The following TFEC variants were observed in gnomAD, a reference collection of about 807,000 sequenced individuals.
The protein encoded by TFEC is transcription factor EC, also known as class E basic helix-loop-helix protein 34.
TFEC carries 31 observed loss-of-function variants against 41.6 expected under a neutral mutation model. That is an observed-to-expected ratio of 0.74 (90% CI 0.56 to 1.01). The LOEUF (loss-of-function observed/expected upper bound fraction) is 1.01, where lower values mean the gene tolerates loss of function less well. Among genes scored for constraint, TFEC ranks in the 50% least tolerant of loss-of-function variants. The pLI, the probability that TFEC is intolerant of heterozygous loss-of-function variation, is 0.00. For missense variants in TFEC, 402 were observed against 404.1 expected (o/e 0.99, Z 0.04); for synonymous variants, 143 against 140.6 (o/e 1.02, Z -0.12).
At chr7:116,047,902 C>G (rs1796209623) in intron 3 of TFEC, among the ~76,000 whole-genome samples, 1 of 152,214 alleles carries the variant, frequency 6.6e-6, no homozygotes, top group Non-Finnish European at 1.5e-5. Context: ...CAAACTCCAA[C>G]AGACCTGCAG....
chr7:116,023,512 C>CA (rs909546964), intron 1 of TFEC, among the ~76,000 whole-genome samples: 74 of 151,978 alleles, frequency 4.9e-4, no homozygotes, highest in Admixed American at 2.0e-3. Flanking sequence ...CAATATTGTG[C>CA]AAAAAAACTA....
intron 3 of TFEC, among the ~76,000 whole-genome samples, chr7:116,062,876 C>T (rs181831680): frequency 1.8e-4 from 28 of 152,118 alleles, no homozygotes; most frequent in African/African-American, 3.6e-4. Context: ...CACTATGAAA[C>T]GCTTTTGGCT....
chr7:116,130,084 A>G (rs891283184), intron 1 of TFEC, among the ~76,000 whole-genome samples: 1 of 144,290 alleles, frequency 6.9e-6, no homozygotes, highest in Non-Finnish European at 1.5e-5. Flanking sequence ...ACACACACAC[A>G]CTCTTACTTG....
At chr7:116,039,644 C>T (rs1194808767) in intron 3 of TFEC, among the ~76,000 whole-genome samples, 1 of 151,556 alleles carries the variant, frequency 6.6e-6, no homozygotes, top group African/African-American at 2.4e-5. Context: ...TATAACAGTA[C>T]AATTATTATT....
At chr7:116,046,997 G>A (rs1796181007) in intron 3 of TFEC, among the ~76,000 whole-genome samples, 1 of 152,134 alleles carries the variant, frequency 6.6e-6, no homozygotes, top group African/African-American at 2.4e-5. Context: ...ATTTACTTGT[G>A]TCAGTGACTC....
chr7:116,012,586 C>T (rs1345979366), intron 1 of TFEC, among the ~76,000 whole-genome samples: 3 of 151,968 alleles, frequency 2.0e-5, no homozygotes, highest in Non-Finnish European at 4.4e-5. Context: ...TAAATGGGAA[C>T]ATCTGGGATA....
chr7:116,001,724 G>A (rs751980324), intron 1 of TFEC, among the ~76,000 whole-genome samples: 22 of 152,010 alleles, frequency 1.4e-4, no homozygotes, highest in Non-Finnish European at 2.6e-4. Context: ...CATTGAATGG[G>A]AGAAAATATT....
intron 1 of TFEC, among the ~76,000 whole-genome samples, chr7:116,117,785 C>G (rs903150591): frequency 2.0e-5 from 3 of 151,884 alleles, no homozygotes; most frequent in African/African-American, 7.2e-5. Context: ...CAAATAGCTA[C>G]CAATTAAATT....
intron 1 of TFEC, among the ~76,000 whole-genome samples, chr7:116,004,344 C>T (rs370854974): frequency 6.6e-5 from 10 of 152,120 alleles, no homozygotes; most frequent in Admixed American, 1.3e-4. Flanking sequence ...GTGAATACTA[C>T]GAACAACTCT....
At chr7:116,120,422 G>T (rs558517723) in intron 1 of TFEC, 1 of 151,924 alleles carries the variant, frequency 6.6e-6, no homozygotes, top group African/African-American at 2.4e-5. Context: ...ATAGCAGCAT[G>T]GCATCACCTG....
chr7:116,095,476 A>T lies in TFEC; in HGVS notation c.198+15232T>A, dbSNP rs572075683. ...TACATACACACATATCCAAACCCCA[A>T]AGCTTCATATGCAATATCCAATATA... On this transcript the variant is annotated intron_variant, in intron 3 of 8. Coordinates refer to the TFEC transcript ENST00000484212. 7.2e-5 allele frequency among the ~76,000 whole-genome samples: 11 copies of T among 152,212 alleles called. No homozygotes were observed. In the South Asian group the frequency reaches 1.9e-3, roughly 26 times the overall value.
chr7:115,935,316 T>G lies in TFEC; in HGVS notation c.*5235A>C, dbSNP rs1793176126. The G allele has an allele frequency of 6.6e-6, 1 of 152,074 alleles. No individual in the cohort carries two copies. Among genetic ancestry groups the G allele is most frequent in the Non-Finnish European group, 1.5e-5 (1 of 67,630 alleles). The allele number at this position is 152,074 out of a possible 1,614,324, so 9.4% of individuals were successfully genotyped here. On this transcript the variant is annotated 3_prime_UTR_variant, in exon 8 of 8. Transcript: ENST00000265440. The stretch of plus-strand genomic sequence containing the variant: ...TATTAAAAATGAAAAATAGCAATAA[T>G]TACAAATTCTACAGTCTTATTAACA...
chr7:115,994,669 T>C (rs1350688706), intron 1 of TFEC, among the ~76,000 whole-genome samples: 1 of 152,150 alleles, frequency 6.6e-6, no homozygotes, highest in Non-Finnish European at 1.5e-5. Context: ...CCAGTTAGAA[T>C]GGCAATCATT....
At chr7:116,028,590 G>T (rs1426873736) in intron 1 of TFEC, among the ~76,000 whole-genome samples, 1 of 152,128 alleles carries the variant, frequency 6.6e-6, no homozygotes, top group Non-Finnish European at 1.5e-5. Flanking sequence ...GTTCAAAATA[G>T]CAACCTATTT....
intron 6 of TFEC, among the ~76,000 whole-genome samples, chr7:115,943,283 T>C (rs1025119261): frequency 1.3e-5 from 2 of 151,932 alleles, no homozygotes; most frequent in African/African-American, 4.8e-5. Flanking sequence ...ACAGTCTATC[T>C]TTGGTGCTAA....
intron 3 of TFEC, among the ~76,000 whole-genome samples, chr7:116,086,864 T>C (rs1797215293): frequency 6.6e-6 from 1 of 151,962 alleles, no homozygotes; most frequent in African/African-American, 2.4e-5. Context: ...CACATATGTT[T>C]TTACATTTTC....
intron 3 of TFEC, among the ~76,000 whole-genome samples, chr7:116,107,958 G>A (rs1797758821): frequency 6.6e-6 from 1 of 152,130 alleles, no homozygotes; most frequent in South Asian, 2.1e-4. Context: ...TGCTTACCAA[G>A]TGCTAAAAAT....
chr7:116,150,865 A>G (rs1345700417), intron 1 of TFEC, among the ~76,000 whole-genome samples: 1 of 152,186 alleles, frequency 6.6e-6, no homozygotes, highest in Non-Finnish European at 1.5e-5. Context: ...TTATATTAAA[A>G]TAATGCCTTC....
chr7:115,941,906 A>G lies in TFEC; in HGVS notation c.650T>C (p.Leu217Pro), dbSNP rs1218726453. The G allele has an allele frequency of 6.2e-7, 1 of 1,613,116 alleles. No individual in the cohort carries two copies. The highest frequency in any genetic ancestry group is 8.5e-7 in the Non-Finnish European group (1 of 1,179,464). ...KKLEQANRRL[L>P]LRIQELEIQA... is the part of the protein sequence containing the mutation. ...TCTTATAAAAACCTGAATCCGAAGT[A>G]GAAGTCGCCTGTTAGCCTGCTCTAA... Residue 217 changes from leucine to proline, a missense_variant, in exon 7 of 8, where the codon CTA (leucine) becomes CCA (proline). Leu to Pro is a moderately conservative substitution (Grantham distance 98). Coordinates refer to ENST00000265440, the MANE Select transcript of TFEC (RefSeq NM_012252.4).
Sources: allele counts gnomAD v4.1 joint callset (sites outside exome capture counted in the v4.1 genomes callset), GRCh38; gene constraint gnomAD v4.1.1; transcripts MANE v1.5; gene names NCBI Gene and HGNC (gene_info 2026-07-23, HGNC 2026-07-21).